The following FARS2 variants were observed in gnomAD, a reference collection of about 807,000 sequenced individuals.
FARS2 encodes the protein phenylalanyl-tRNA synthetase 2, mitochondrial, also known as phenylalanine--tRNA ligase, mitochondrial.
FARS2 carries 40 observed loss-of-function variants against 46.4 expected under a neutral mutation model. The observed-to-expected ratio is 0.86, with a 90% CI of 0.67 to 1.12. The LOEUF (loss-of-function observed/expected upper bound fraction) is 1.12. Ranked by LOEUF, FARS2 falls within the 50% of genes most tolerant of loss-of-function variation. The pLI is 0.00. For missense variants in FARS2, 513 were observed against 567.9 expected, an observed-to-expected ratio of 0.90 and a Z score of 0.98; for synonymous variants, 234 against 214.9, an observed-to-expected ratio of 1.09 and a Z score of -0.78.
Position 5,296,571 on chromosome 6 carries a change from G to A in FARS2, c.-22+34911G>A, listed in dbSNP as rs535447516. On this transcript the variant is annotated intron_variant, in intron 1 of 6. Transcript: ENST00000274680. The stretch of plus-strand genomic sequence containing the variant: ...TTGAAACTTCGTACCCAGTAAACAC[G>A]AACTCCCCATCCCCTCTCCCCCAAG... Among the ~76,000 whole-genome samples, 315 of 152,050 alleles carry A rather than the reference G, an allele frequency of 2.1e-3. 2 individuals carry two copies. Among genetic ancestry groups the A allele is most frequent in the African/African-American group, 7.3e-3 (304 of 41,468 alleles).
At chr6:5,578,831 A>C (rs13196834) in intron 5 of FARS2, among the ~76,000 whole-genome samples, 1 of 9,818 alleles carries the variant, frequency 1.0e-4, no homozygotes, top group African/African-American at 2.3e-4. Flanking sequence ...AAAAAAAAAA[A>C]AACAAAAAAA....
intron 4 of FARS2, among the ~76,000 whole-genome samples, chr6:5,459,553 C>T (rs1050142701): frequency 6.6e-5 from 10 of 152,106 alleles, no homozygotes; most frequent in African/African-American, 1.4e-4. Context: ...CTGCCCATGT[C>T]GGTGTGCCCA....
chr6:5,530,186 A>T (rs1769733986), intron 4 of FARS2, among the ~76,000 whole-genome samples: 2 of 152,226 alleles, frequency 1.3e-5, no homozygotes, highest in South Asian at 4.1e-4. Context: ...GAAGGACATC[A>T]TAGCACTTTT....
At chr6:5,475,484 G>A (rs193236249) in intron 4 of FARS2, among the ~76,000 whole-genome samples, 5 of 152,280 alleles carry the variant, frequency 3.3e-5, no homozygotes, top group East Asian at 1.9e-4. Context: ...ATGAGAAGAC[G>A]TTGCATGAAG....
chr6:5,558,471 T>A (rs1771795079), intron 5 of FARS2, among the ~76,000 whole-genome samples: 1 of 152,166 alleles, frequency 6.6e-6, no homozygotes, highest in Non-Finnish European at 1.5e-5. Context: ...CTTTCTATCA[T>A]TTGGCCAAAT....
intron 5 of FARS2, among the ~76,000 whole-genome samples, chr6:5,559,321 T>C (rs760289536): frequency 5.9e-5 from 9 of 152,098 alleles, no homozygotes; most frequent in Non-Finnish European, 1.2e-4. Flanking sequence ...GGAATATTGC[T>C]TGAGCCGGGG....
chr6:5,637,419 C>T (rs906345335), intron 6 of FARS2, among the ~76,000 whole-genome samples: 3 of 152,220 alleles, frequency 2.0e-5, no homozygotes, highest in Admixed American at 2.0e-4. Context: ...ACCCGTGCAG[C>T]GTTCCTGGCT....
intron 4 of FARS2, among the ~76,000 whole-genome samples, chr6:5,518,429 GA>G (rs1477737229): frequency 1.3e-5 from 2 of 152,180 alleles, no homozygotes; most frequent in African/African-American, 4.8e-5. Flanking sequence ...TACTGTAGAT[GA>G]ATGAAGTTTT....
intron 6 of FARS2, among the ~76,000 whole-genome samples, chr6:5,626,602 G>A (rs1776045286): frequency 6.6e-6 from 1 of 152,090 alleles, no homozygotes; most frequent in African/African-American, 2.4e-5. Context: ...ATCCTCCTTA[G>A]GCTTTCCCTC....
At chr6:5,394,120 TGAG>T (rs545999124) in intron 2 of FARS2, among the ~76,000 whole-genome samples, 160 of 152,346 alleles carry the variant, frequency 1.1e-3, no homozygotes, top group African/African-American at 3.8e-3. Context: ...AGCTTCAGAA[TGAG>T]GAGGAGCATA....
At chr6:5,381,545 T>C (rs1759792161) in intron 2 of FARS2, among the ~76,000 whole-genome samples, 1 of 152,160 alleles carries the variant, frequency 6.6e-6, no homozygotes, top group African/African-American at 2.4e-5. Flanking sequence ...TTGCTTTTAA[T>C]AGGTAATTCC....
chr6:5,705,939 T>C (rs1227769932), intron 6 of FARS2, among the ~76,000 whole-genome samples: 1 of 152,190 alleles, frequency 6.6e-6, no homozygotes, highest in African/African-American at 2.4e-5. Flanking sequence ...TGGTGATCAT[T>C]ATCTTAGTCC....
intron 1 of FARS2, among the ~76,000 whole-genome samples, chr6:5,347,481 A>T (rs1757311917): frequency 6.6e-6 from 1 of 152,040 alleles, no homozygotes; most frequent in Non-Finnish European, 1.5e-5. Context: ...TTTGAGATTC[A>T]TCCACGTTGT....
At chr6:5,559,477 C>T (rs201613692) in intron 5 of FARS2, among the ~76,000 whole-genome samples, 1 of 152,176 alleles carries the variant, frequency 6.6e-6, no homozygotes, top group East Asian at 1.9e-4. Context: ...TGATTTCATT[C>T]TGCTTCCCAG....
At chr6:5,608,623 GC>G (rs11296799) in intron 5 of FARS2, among the ~76,000 whole-genome samples, 107,357 of 151,800 alleles carry the variant, frequency 0.71, 39,214 homozygotes, top group Middle Eastern at 0.81. Flanking sequence ...TAGATATATT[GC>G]ATAGGATGGG....
intron 6 of FARS2, among the ~76,000 whole-genome samples, chr6:5,697,019 T>G (rs138506982): frequency 6.6e-6 from 1 of 152,260 alleles, no homozygotes; most frequent in African/African-American, 2.4e-5. Flanking sequence ...CTAGCAGAAA[T>G]AGGAGAAAAT....
chr6:5,676,369 A>G (rs1364250979), intron 6 of FARS2, among the ~76,000 whole-genome samples: 2 of 152,242 alleles, frequency 1.3e-5, no homozygotes, highest in East Asian at 3.9e-4. Context: ...CAGTACACAT[A>G]TTAGACTGGA....
chr6:5,455,922 A>G (rs1227018105), intron 4 of FARS2, among the ~76,000 whole-genome samples: 2 of 152,246 alleles, frequency 1.3e-5, no homozygotes, highest in East Asian at 3.9e-4. Flanking sequence ...TCATTTGTTC[A>G]CTTAACAAAC....
At chr6:5,405,094 G>T (rs901528635) in intron 3 of FARS2, among the ~76,000 whole-genome samples, 1 of 152,084 alleles carries the variant, frequency 6.6e-6, no homozygotes. Context: ...ACCGCGCCAG[G>T]CCTGAAATTC....
Sources: gnomAD v4.1 joint callset for allele counts (sites outside exome capture counted in the v4.1 genomes callset) on GRCh38, gnomAD v4.1.1 for gene constraint, MANE v1.5 for transcripts, NCBI Gene and HGNC (gene_info 2026-07-23, HGNC 2026-07-21) for gene names.